NTRK3: variants seen among roughly 807,000 people sequenced by gnomAD.
NTRK3 encodes the protein NT-3 growth factor receptor.
Under a neutral mutation model 91.7 loss-of-function variants are expected in NTRK3, and 24 were observed. The ratio of observed to expected loss-of-function variants is 0.26; its 90% CI spans 0.19 to 0.37. NTRK3 has a LOEUF of 0.37. NTRK3 is among the 10% of genes least tolerant of loss of function. The probability of loss-of-function intolerance (pLI) is 1.00; values close to 1 mark genes in which losing one functional copy is unlikely to be tolerated. For synonymous variants in NTRK3, 483 were observed against 404.0 expected (o/e 1.20, Z -2.34); for missense variants, 880 against 1,068.9 (o/e 0.82, Z 2.46).
chr15:87,900,360 G>A (rs11634284), intron 17 of NTRK3, among the ~76,000 whole-genome samples: 110,374 of 152,026 alleles, frequency 0.73, 40,149 homozygotes, highest in African/African-American at 0.75. Flanking sequence ...CCTGGAATGG[G>A]GACAGGCAGA....
chr15:88,196,758 C>G (rs1333197981), intron 3 of NTRK3, among the ~76,000 whole-genome samples: 1 of 152,196 alleles, frequency 6.6e-6, no homozygotes, highest in African/African-American at 2.4e-5. Flanking sequence ...TATACTCACC[C>G]TCTGGGAAGG....
At position 88,237,905 on chromosome 15, in the gene NTRK3, A is replaced by T. The variant is rs188175268; in HGVS notation, c.248+18001T>A. 6.6e-6 allele frequency among the ~76,000 whole-genome samples: 1 copy of T among 152,278 alleles called. No individual in the cohort carries two copies. Among genetic ancestry groups the T allele is most frequent in the African/African-American group, 2.4e-5 (1 of 41,560 alleles). On this transcript the variant is annotated intron_variant, in intron 3 of 18. Coordinates refer to ENST00000394480, the Ensembl canonical transcript of NTRK3. The surrounding 1 kb of genome is among the most constrained non-coding windows in gnomAD (Gnocchi z 4.0). ...TATAATATTTTTGTGTTCCCCTCAAAATTCCTTTGTTGAAGTCCTAACCCC... is the reference window on the plus strand; with the variant it reads ...TATAATATTTTTGTGTTCCCCTCAATATTCCTTTGTTGAAGTCCTAACCCC...
chr15:88,058,253 A>C (rs150032489), intron 13 of NTRK3, among the ~76,000 whole-genome samples: 12 of 152,302 alleles, frequency 7.9e-5, no homozygotes, highest in African/African-American at 2.6e-4. Context: ...ACAGTTCTTG[A>C]GTTCAAATCC....
intron 17 of NTRK3, chr15:87,916,480 A>G: frequency 1.4e-6 from 1 of 701,752 alleles, no homozygotes; most frequent in East Asian, 2.7e-5. Context: ...CAATATAAGC[A>G]TGCTTCAACG....
At chr15:88,033,222 AGTTGTTTGGGTTTCTGGT>A (rs370248167) in intron 13 of NTRK3, among the ~76,000 whole-genome samples, 177 bp from the exon 14 acceptor site, 3,116 of 123,296 alleles carry the variant, frequency 0.025, 86 homozygotes, top group South Asian at 0.051. Context: ...ATATAAATTC[AGTTGTTTGGGTTTCTGGT>A]GTATTTTAGA....
rs58946187 is a variant in NTRK3 at position 87,892,083 on chromosome 15, A to AAC, written c.2134-11657_2134-11656dup. Among the ~76,000 whole-genome samples, 1,286 of 141,410 alleles carry AAC rather than the reference A, an allele frequency of 9.1e-3. 14 individuals carry two copies. Among genetic ancestry groups the AAC allele is most frequent in the East Asian group, 0.036 (171 of 4,792 alleles). The allele number at this position is 141,410 out of a possible 152,430, so 92.8% of individuals were successfully genotyped here. On this transcript the variant is annotated intron_variant, in intron 17 of 18. Coordinates refer to ENST00000394480, the Ensembl canonical transcript of NTRK3. ...CCCTTGTCCAGTTGCCCCCATCCCC[A>AAC]ACACACACACACACACACACACACA...
intron 6 of NTRK3, among the ~76,000 whole-genome samples, chr15:88,145,918 T>C (rs768379307): frequency 6.6e-6 from 1 of 152,168 alleles, no homozygotes; most frequent in Non-Finnish European, 1.5e-5. Flanking sequence ...TGGGAGATAG[T>C]TGAGCACAGT....
chr15:88,200,919 G>A (rs2048248896), intron 3 of NTRK3, among the ~76,000 whole-genome samples: 1 of 152,168 alleles, frequency 6.6e-6, no homozygotes, highest in African/African-American at 2.4e-5. Context: ...CCAAATCCCA[G>A]CTGCTCAGCT....
intron 13 of NTRK3, chr15:88,098,917 T>C (rs1017458140): frequency 8.6e-6 from 2 of 232,442 alleles, no homozygotes; most frequent in South Asian, 1.8e-4. Context: ...AATCTGTAGG[T>C]TTAAAAAAGT....
intron 5 of NTRK3, among the ~76,000 whole-genome samples, chr15:88,157,600 C>G (rs2044034048): frequency 2.0e-5 from 3 of 152,042 alleles, no homozygotes; most frequent in African/African-American, 7.2e-5. Flanking sequence ...CACAAACCTT[C>G]ACGTCTCTGC....
At chr15:87,992,588 A>G (rs1473581592) in intron 14 of NTRK3, among the ~76,000 whole-genome samples, 1 of 152,264 alleles carries the variant, frequency 6.6e-6, no homozygotes, top group Non-Finnish European at 1.5e-5. Context: ...ACCAATATCT[A>G]TAAGCACTTT....
chr15:88,053,181 T>A (rs899062002), intron 13 of NTRK3, among the ~76,000 whole-genome samples: 8 of 152,064 alleles, frequency 5.3e-5, no homozygotes, highest in African/African-American at 1.9e-4. Context: ...TATATGTCAT[T>A]TGTCTAGTGG....
chr15:87,920,137 T>C (rs920326771), intron 17 of NTRK3, among the ~76,000 whole-genome samples: 12 of 152,228 alleles, frequency 7.9e-5, no homozygotes, highest in Non-Finnish European at 1.2e-4. Flanking sequence ...ATCTCAGCCC[T>C]GTCCCTCAAC....
rs183282280 is a variant in NTRK3 at position 88,240,518 on chromosome 15, G to A, written c.248+15388C>T. 1.8e-3 allele frequency among the ~76,000 whole-genome samples: 270 copies of A among 152,160 alleles called. 1 individual carries two copies. Among genetic ancestry groups the A allele is most frequent in the African/African-American group, 6.1e-3 (252 of 41,492 alleles). On this transcript the variant is annotated intron_variant, in intron 3 of 18. Transcript: ENST00000394480. The surrounding 1 kb of genome is among the most constrained non-coding windows in gnomAD (Gnocchi z 4.9). ...AAAACAGCACGTCATGTGTCCTGTCGGCCCAAGGGTGCCTGCTTACTGTGG... is the reference window on the plus strand; with the variant it reads ...AAAACAGCACGTCATGTGTCCTGTCAGCCCAAGGGTGCCTGCTTACTGTGG...
At chr15:88,073,584 C>T (rs1296476869) in intron 13 of NTRK3, among the ~76,000 whole-genome samples, 1 of 152,154 alleles carries the variant, frequency 6.6e-6, no homozygotes, top group African/African-American at 2.4e-5. Flanking sequence ...ACCCAGAGTG[C>T]TTTCCTGTGG....
intron 14 of NTRK3, among the ~76,000 whole-genome samples, chr15:88,031,447 G>A (rs1315444640): frequency 6.6e-6 from 1 of 152,218 alleles, no homozygotes; most frequent in Non-Finnish European, 1.5e-5. Flanking sequence ...GTCCTGGGGT[G>A]AGCCTGATCT....
At chr15:87,938,754 A>G (rs1266792427) in intron 15 of NTRK3, among the ~76,000 whole-genome samples, 1 of 152,198 alleles carries the variant, frequency 6.6e-6, no homozygotes, top group Non-Finnish European at 1.5e-5. Flanking sequence ...GTCATCCTAT[A>G]TATTAAAAAT....
intron 14 of NTRK3, among the ~76,000 whole-genome samples, chr15:87,992,403 C>T (rs949776620): frequency 6.6e-6 from 1 of 152,198 alleles, no homozygotes; most frequent in Non-Finnish European, 1.5e-5. Context: ...AATCCTTTCA[C>T]CCCCAGCTCA....
chr15:88,080,468 A>G (rs1282789921), intron 13 of NTRK3, among the ~76,000 whole-genome samples: 4 of 152,216 alleles, frequency 2.6e-5, no homozygotes, highest in East Asian at 3.8e-4. Context: ...ACAAATTTCC[A>G]TATGTTTATT....
Sources: allele counts gnomAD v4.1 joint callset (sites outside exome capture counted in the v4.1 genomes callset), GRCh38; gene constraint gnomAD v4.1.1; non-coding constraint Gnocchi (gnomAD v3.1); transcripts MANE v1.5; gene names NCBI Gene and HGNC (gene_info 2026-07-23, HGNC 2026-07-21).